GSE1: variants seen among roughly 807,000 people sequenced by gnomAD.
The protein encoded by GSE1 is Gse1 coiled-coil protein.
A neutral mutation model predicts 112.6 loss-of-function variants in GSE1; 32 were observed. That is an observed-to-expected ratio of 0.28 (90% confidence interval 0.21 to 0.38). GSE1 has a LOEUF of 0.38. Ranked by LOEUF, GSE1 falls within the 10% of genes least tolerant of loss-of-function variation. The probability of loss-of-function intolerance (pLI) is 1.00; values close to 1 mark genes in which losing one functional copy is unlikely to be tolerated. For missense variants in GSE1, 2,348 were observed against 1,699.2 expected (o/e 1.38, Z -6.71); for synonymous variants, 1,115 against 735.6 (o/e 1.52, Z -8.35).
intron 1 of GSE1, among the ~76,000 whole-genome samples, chr16:85,627,714 C>A (rs145058113): frequency 5.3e-5 from 8 of 152,276 alleles, no homozygotes; most frequent in Non-Finnish European, 1.0e-4. Flanking sequence ...GGCCTTCACA[C>A]GGTGGAGCGT....
chr16:85,286,666 A>G (rs1165790352), intron 1 of GSE1, among the ~76,000 whole-genome samples: 2 of 151,312 alleles, frequency 1.3e-5, no homozygotes, highest in East Asian at 1.9e-4. Flanking sequence ...TTACGCATCT[A>G]TTAGTCCAAT....
chr16:85,335,010 G>A (rs1331745444), intron 1 of GSE1, among the ~76,000 whole-genome samples: 1 of 152,270 alleles, frequency 6.6e-6, no homozygotes, highest in African/African-American at 2.4e-5. Flanking sequence ...CCAGACCCCT[G>A]CTCCTTCCTT....
chr16:85,454,861 G>A (rs1324965084), intron 2 of GSE1, among the ~76,000 whole-genome samples: 1 of 152,096 alleles, frequency 6.6e-6, no homozygotes, highest in Non-Finnish European at 1.5e-5. Context: ...CCTAATCTAG[G>A]ATGAGCTCAT....
upstream of GSE1, among the ~76,000 whole-genome samples, chr16:85,606,528 C>A (rs2047710216): frequency 6.6e-6 from 1 of 152,214 alleles, no homozygotes; most frequent in Non-Finnish European, 1.5e-5. Context: ...CGTCTCCTTG[C>A]CAGGAAGGGG....
intron 1 of GSE1, among the ~76,000 whole-genome samples, chr16:85,586,678 G>T (rs1205898860): frequency 1.3e-5 from 2 of 152,190 alleles, no homozygotes; most frequent in Admixed American, 6.5e-5. Context: ...TTCCCATGTG[G>T]AAAGTATCAC....
chr16:85,589,699 T>C (rs548606520), intron 1 of GSE1, among the ~76,000 whole-genome samples: 2 of 152,098 alleles, frequency 1.3e-5, no homozygotes, highest in Admixed American at 1.3e-4. Flanking sequence ...ACGTGAGATA[T>C]TGTGTGTGTG....
At chr16:85,657,677 C>T in intron 8 of GSE1, 73 bp downstream of exon 8, 1 of 1,030,676 alleles carries the variant, frequency 9.7e-7, no homozygotes. Context: ...TTGAGCACCT[C>T]CTGTTTGCCC....
intron 1 of GSE1, among the ~76,000 whole-genome samples, chr16:85,225,344 C>T (rs1400098802): frequency 1.3e-5 from 2 of 152,078 alleles, no homozygotes; most frequent in East Asian, 3.9e-4. Flanking sequence ...GTGTTCCTGG[C>T]AGAGAGCAGA....
chr16:85,555,156 G>A (rs896636820), upstream of GSE1: 1 of 985,372 alleles, frequency 1.0e-6, no homozygotes, highest in African/African-American at 1.7e-5. Context: ...CTACCCTTTC[G>A]CTTTCATTAG....
chr16:85,578,129 G>A (rs922864276), intron 1 of GSE1, among the ~76,000 whole-genome samples: 5 of 152,246 alleles, frequency 3.3e-5, no homozygotes, highest in Non-Finnish European at 5.9e-5. Context: ...CTGGCACCCA[G>A]CAGGCTGGAG....
In GSE1 at chr16:85,666,513, G is replaced by T. The variant is rs1246051891; in HGVS notation, c.3130+166G>T. On this transcript the variant is annotated intron_variant, in intron 13 of 15. Coordinates refer to ENST00000253458, the MANE Select transcript of GSE1 (RefSeq NM_014615.5). ...TATTATGCCAAAACCATGTTTGTTT[G>T]TTTATCTCCAAGCTCTAAAACCTGA... is the stretch of plus-strand genomic sequence containing the variant. 1.8e-5 allele frequency: 12 copies of T among 676,134 alleles called. No individual in the cohort carries two copies. The East Asian group carries it at 3.0e-4, about 17-fold the overall frequency. The allele number at this position is 676,134 out of a possible 1,614,324, so 41.9% of individuals were successfully genotyped here. A position where few individuals can be genotyped will look rare whatever the true frequency, so the allele number is the denominator to read the frequency against.
intron 1 of GSE1, among the ~76,000 whole-genome samples, chr16:85,295,749 AC>A: frequency 6.7e-6 from 1 of 150,286 alleles, no homozygotes; most frequent in East Asian, 2.0e-4. Context: ...TTTCCCATGG[AC>A]AACTGGCTAA....
chr16:85,621,618 G>A (rs950234707), intron 1 of GSE1, among the ~76,000 whole-genome samples: 2 of 152,206 alleles, frequency 1.3e-5, no homozygotes, highest in African/African-American at 2.4e-5. Flanking sequence ...CTGGTTTCCA[G>A]GTTGAGACTG....
intron 1 of GSE1, among the ~76,000 whole-genome samples, chr16:85,245,772 G>C (rs1489875688): frequency 2.0e-5 from 3 of 152,106 alleles, no homozygotes; most frequent in Admixed American, 6.5e-5. Flanking sequence ...CGCCTGGGGG[G>C]TGCCTTGTCC....
chr16:85,666,790 T>C (rs1173985852), intron 13 of GSE1, among the ~76,000 whole-genome samples: 1 of 152,212 alleles, frequency 6.6e-6, no homozygotes, highest in Non-Finnish European at 1.5e-5. Context: ...TCCTTCATGG[T>C]GGTATCTAAA....
intron 2 of GSE1, among the ~76,000 whole-genome samples, chr16:85,402,007 C>T (rs961249905): frequency 2.0e-5 from 3 of 152,222 alleles, no homozygotes; most frequent in African/African-American, 4.8e-5. Context: ...CAGCTGCGCT[C>T]CATGCCAGGT....
intron 1 of GSE1, among the ~76,000 whole-genome samples, chr16:85,308,847 A>G (rs2045750756): frequency 6.7e-6 from 1 of 148,388 alleles, no homozygotes; most frequent in South Asian, 2.3e-4. Context: ...ACCATGACCC[A>G]CAGGAGAAAT....
At chr16:85,358,256 C>G (rs7206189) in intron 2 of GSE1, among the ~76,000 whole-genome samples, 59,922 of 152,112 alleles carry the variant, frequency 0.39, 12,015 homozygotes, top group East Asian at 0.57. Context: ...TGTGTGGACC[C>G]TTGAGGCTTT....
chr16:85,178,388 C>G (rs1464545278), intron 1 of GSE1, among the ~76,000 whole-genome samples: 1 of 152,044 alleles, frequency 6.6e-6, no homozygotes, highest in Non-Finnish European at 1.5e-5. Flanking sequence ...GAGGGGTGGG[C>G]AGGACCAGCA....
Sources: allele counts gnomAD v4.1 joint callset (sites outside exome capture counted in the v4.1 genomes callset), GRCh38; gene constraint gnomAD v4.1.1; transcripts MANE v1.5; gene names NCBI Gene and HGNC (gene_info 2026-07-23, HGNC 2026-07-21).